The following SLC4A7 variants were observed in gnomAD, a reference collection of about 807,000 sequenced individuals.
SLC4A7 encodes the protein solute carrier family 4 member 7.
A neutral mutation model predicts 137.6 loss-of-function variants in SLC4A7; 51 were observed. The ratio of observed to expected loss-of-function variants is 0.37; its 90% CI spans 0.30 to 0.47. The LOEUF (loss-of-function observed/expected upper bound fraction) is 0.47, where lower values mean the gene tolerates loss of function less well. Ranked by LOEUF, SLC4A7 falls within the 20% of genes least tolerant of loss-of-function variation. SLC4A7 has a pLI of 1.00. For synonymous variants in SLC4A7, 542 were observed against 518.6 expected (o/e 1.05, Z -0.61); for missense variants, 1,247 against 1,525.4 (o/e 0.82, Z 3.04).
At chr3:27,429,711 G>A (rs1227801596) in intron 7 of SLC4A7, among the ~76,000 whole-genome samples, 2 of 152,018 alleles carry the variant, frequency 1.3e-5, no homozygotes, top group Non-Finnish European at 2.9e-5. Flanking sequence ...TTATCTGGGT[G>A]GTAGTGGCAC....
intron 22 of SLC4A7, among the ~76,000 whole-genome samples, chr3:27,386,315 T>C (rs2050947635): frequency 7.1e-6 from 1 of 139,940 alleles, no homozygotes; most frequent in South Asian, 2.4e-4. Flanking sequence ...AAACACTGAA[T>C]ATCAAAGCAA....
chr3:27,397,309 C>T (rs1452245908), intron 18 of SLC4A7, among the ~76,000 whole-genome samples: 4 of 152,178 alleles, frequency 2.6e-5, no homozygotes, highest in Admixed American at 2.6e-4. Flanking sequence ...AGCCACTGCA[C>T]CTGGCCTGGG....
In SLC4A7 at chr3:27,374,257, C is replaced by G. The variant is rs973204667; in HGVS notation, c.*2507G>C. 6.6e-6 allele frequency: 1 copy of G among 152,408 alleles called. No homozygotes were observed. Among genetic ancestry groups the G allele is most frequent in the African/African-American group, 2.4e-5 (1 of 41,412 alleles). The allele number at this position is 152,408 out of a possible 1,614,324, so 9.4% of individuals were successfully genotyped here. ...GTATTCAGTAGCACTAAGCTCCATT[C>G]TGGAAATCAAGGCATCTAAAGAAAG... On this transcript the variant is annotated 3_prime_UTR_variant, in exon 26 of 26. Transcript: ENST00000454389.
At chr3:27,425,456 C>G (rs1038578721) in intron 7 of SLC4A7, among the ~76,000 whole-genome samples, 2 of 148,946 alleles carry the variant, frequency 1.3e-5, no homozygotes, top group African/African-American at 5.0e-5. Context: ...GCGGACGGAT[C>G]ACCTGAGGCT....
At position 27,379,252 on chromosome 3, in the gene SLC4A7, ATGTTAG is replaced by A. The variant is rs2050184989; in HGVS notation, c.3689_3694del (p.Ser1230_Met1232delinsLeu). On this transcript the variant is annotated inframe_deletion, in exon 25 of 26. Transcript: ENST00000454389. The stretch of plus-strand genomic sequence containing the variant: ...ACACACAAATAGTTATAACTACCTC[ATGTTAG>A]ATCTGGTTACTTTGGCATTCTCAGT... 6.6e-7 allele frequency: 1 copy of A among 1,506,638 alleles called. No individual in the cohort carries two copies. Among genetic ancestry groups the A allele is most frequent in the African/African-American group, 1.4e-5 (1 of 72,438 alleles). 93.3% of individuals were successfully genotyped at this position (1,506,638 alleles called of 1,614,324 possible).
intron 3 of SLC4A7, among the ~76,000 whole-genome samples, chr3:27,441,065 A>C (rs2057156196): frequency 6.6e-6 from 1 of 152,200 alleles, no homozygotes; most frequent in South Asian, 2.1e-4. Flanking sequence ...TATAACAAAA[A>C]AAATTAACCT....
intron 1 of SLC4A7, among the ~76,000 whole-genome samples, chr3:27,460,352 A>G (rs1035647807): frequency 2.6e-5 from 4 of 152,118 alleles, no homozygotes; most frequent in African/African-American, 9.7e-5. Context: ...TTTTTGTATC[A>G]AGGTGCATAA....
At chr3:27,446,319 C>T (rs1329023533) in intron 3 of SLC4A7, among the ~76,000 whole-genome samples, 2 of 152,024 alleles carry the variant, frequency 1.3e-5, no homozygotes, top group African/African-American at 2.4e-5. Flanking sequence ...CCTGTGTAAT[C>T]CCTTTAGAGA....
intron 9 of SLC4A7, among the ~76,000 whole-genome samples, chr3:27,421,276 G>A (rs1206840225): frequency 6.6e-6 from 1 of 151,944 alleles, no homozygotes; most frequent in Non-Finnish European, 1.5e-5. Context: ...AAGACAGGCA[G>A]ATCACTTAAG....
At chr3:27,452,547 G>C in intron 1 of SLC4A7, 49 bp from the exon 2 acceptor site, 7 of 1,272,816 alleles carry the variant, frequency 5.5e-6, no homozygotes, top group Non-Finnish European at 7.7e-6. Flanking sequence ...ATCTATTGAG[G>C]ACCTATTATA....
chr3:27,403,499 T>C (rs1348720821), intron 14 of SLC4A7, 115 bp from the exon 15 acceptor site: 1 of 613,860 alleles, frequency 1.6e-6, no homozygotes, highest in Non-Finnish European at 2.8e-6. Flanking sequence ...TAAAAGAGAA[T>C]GAATTACAGA....
chr3:27,413,003 T>C (rs985249489), intron 11 of SLC4A7, among the ~76,000 whole-genome samples: 2 of 152,108 alleles, frequency 1.3e-5, no homozygotes, highest in African/African-American at 4.8e-5. Flanking sequence ...CAAAATAAAA[T>C]GCATTTTTTA....
intron 25 of SLC4A7, among the ~76,000 whole-genome samples, 181 bp from the exon 26 acceptor site, chr3:27,377,026 GT>G (rs1335831383): frequency 6.6e-6 from 1 of 151,924 alleles, no homozygotes; most frequent in Non-Finnish European, 1.5e-5. Flanking sequence ...ATTAAAAATT[GT>G]TTTTTAAAAA....
At chr3:27,475,140 C>A (rs1314089486) in intron 1 of SLC4A7, among the ~76,000 whole-genome samples, 1 of 151,868 alleles carries the variant, frequency 6.6e-6, no homozygotes, top group Non-Finnish European at 1.5e-5. Flanking sequence ...TCCCTGCCCA[C>A]AGAGTTATCT....
intron 13 of SLC4A7, among the ~76,000 whole-genome samples, chr3:27,408,182 C>T (rs1187695815): frequency 6.6e-6 from 1 of 152,180 alleles, no homozygotes; most frequent in Non-Finnish European, 1.5e-5. Context: ...GAGATACTGG[C>T]TCTTCTTACA....
chr3:27,383,330 A>T, intron 23 of SLC4A7, 80 bp from the exon 24 acceptor site: 3 of 1,004,836 alleles, frequency 3.0e-6, no homozygotes, highest in Non-Finnish European at 4.6e-6. Context: ...CATTTTACAG[A>T]CTTAGAAACC....
At chr3:27,478,979 T>C (rs2059593983) in intron 1 of SLC4A7, among the ~76,000 whole-genome samples, 1 of 150,904 alleles carries the variant, frequency 6.6e-6, no homozygotes. Flanking sequence ...CACTCCAACC[T>C]GGGTGACAAA....
chr3:27,420,929 A>T (rs1410433369), intron 9 of SLC4A7, 142 bp from the exon 10 acceptor site: 1 of 526,194 alleles, frequency 1.9e-6, no homozygotes, highest in Non-Finnish European at 3.3e-6. Context: ...CAATCACTGA[A>T]AAAAGATGGC....
intron 3 of SLC4A7, among the ~76,000 whole-genome samples, chr3:27,446,800 T>C (rs2057670026): frequency 6.6e-6 from 1 of 152,034 alleles, no homozygotes; most frequent in Non-Finnish European, 1.5e-5. Flanking sequence ...TTTCCTTTGC[T>C]AGCTACATGA....
Sources: gnomAD v4.1 joint callset for allele counts (sites outside exome capture counted in the v4.1 genomes callset) on GRCh38, gnomAD v4.1.1 for gene constraint, MANE v1.5 for transcripts, NCBI Gene and HGNC (gene_info 2026-07-23, HGNC 2026-07-21) for gene names.